The following CHD7 variants were observed in gnomAD, a reference collection of about 807,000 sequenced individuals.
CHD7 encodes the protein chromodomain helicase DNA binding protein 7.
CHD7 carries 24 observed loss-of-function variants against 307.3 expected under a neutral mutation model. The ratio of observed to expected loss-of-function variants is 0.08; its 90% confidence interval spans 0.06 to 0.11. CHD7 has a LOEUF of 0.11. Ranked by LOEUF, CHD7 falls within the 10% of genes least tolerant of loss-of-function variation. The probability of loss-of-function intolerance (pLI) is 1.00; values close to 1 mark genes in which losing one functional copy is unlikely to be tolerated. For synonymous variants in CHD7, 1,363 were observed against 1,349.9 expected, an observed-to-expected ratio of 1.01 and a Z score of -0.21; for missense variants, 3,106 against 3,727.1, an observed-to-expected ratio of 0.83 and a Z score of 4.34.
intron 23 of CHD7, among the ~76,000 whole-genome samples, chr8:60,847,519 T>C (rs991318775): frequency 1.3e-5 from 2 of 152,236 alleles, no homozygotes; most frequent in African/African-American, 2.4e-5. Context: ...TAAAGTGCTG[T>C]ACAAGTACAT....
At chr8:60,718,479 GA>G (rs796436410) in intron 1 of CHD7, among the ~76,000 whole-genome samples, 48 of 108,956 alleles carry the variant, frequency 4.4e-4, no homozygotes, top group African/African-American at 7.2e-4. Flanking sequence ...CATCTCAAAA[GA>G]AAAAAAAAAA....
intron 1 of CHD7, among the ~76,000 whole-genome samples, chr8:60,733,024 T>C (rs757654974): frequency 1.2e-4 from 18 of 151,930 alleles, no homozygotes; most frequent in Non-Finnish European, 1.9e-4. Flanking sequence ...TCCCTGAGCC[T>C]AGGAGTTCAA....
At chr8:60,716,831 A>G (rs1807627502) in intron 1 of CHD7, among the ~76,000 whole-genome samples, 1 of 152,208 alleles carries the variant, frequency 6.6e-6, no homozygotes, top group African/African-American at 2.4e-5. Context: ...ATTATATGGG[A>G]GCTAATCATT....
intron 7 of CHD7, among the ~76,000 whole-genome samples, chr8:60,815,926 A>T (rs973099200): frequency 3.3e-5 from 5 of 152,156 alleles, no homozygotes; most frequent in Admixed American, 6.5e-5. Context: ...TGCTATTTTA[A>T]ATTTGAATTA....
At chr8:60,855,656 CT>C (rs1805666720) in intron 32 of CHD7, among the ~76,000 whole-genome samples, 1 of 152,172 alleles carries the variant, frequency 6.6e-6, no homozygotes, top group Admixed American at 6.5e-5. Context: ...ACAAGAGTTA[CT>C]TTTTAAATAT....
At chr8:60,756,372 T>A (rs1300021546) in intron 2 of CHD7, among the ~76,000 whole-genome samples, 1 of 152,232 alleles carries the variant, frequency 6.6e-6, no homozygotes, top group Non-Finnish European at 1.5e-5. Context: ...CATGATTTTT[T>A]GGAATAAATT....
At chr8:60,788,817 G>A (rs979009708) in intron 3 of CHD7, among the ~76,000 whole-genome samples, 7 of 152,216 alleles carry the variant, frequency 4.6e-5, no homozygotes, top group African/African-American at 1.7e-4. Context: ...CTGCCATTCA[G>A]AGTTTGATTT....
chr8:60,830,655 A>G, intron 15 of CHD7, 78 bp downstream of exon 15: 1 of 1,507,412 alleles, frequency 6.6e-7, no homozygotes, highest in Non-Finnish European at 9.0e-7. Context: ...CAGACTGGGG[A>G]TTTCATGGTG....
chr8:60,739,810 C>G (rs142557022), intron 1 of CHD7, among the ~76,000 whole-genome samples: 6 of 152,246 alleles, frequency 3.9e-5, no homozygotes, highest in African/African-American at 1.4e-4. Flanking sequence ...TGTTGGTTAG[C>G]CCATTGTTCA....
In CHD7 at chr8:60,842,069, A is replaced by G; in HGVS notation, c.4850+17A>G. The G allele has an allele frequency of 6.3e-7, 1 of 1,579,752 alleles. No homozygotes were observed. Among genetic ancestry groups the G allele is most frequent in the Non-Finnish European group, 8.6e-7 (1 of 1,158,338 alleles). Reference sequence around the variant, plus strand: ...TGTCTATGGGTAAGTAGGACTCACTACGTAAGATAGAATTTTATTGTAACA... The same window carrying G: ...TGTCTATGGGTAAGTAGGACTCACTGCGTAAGATAGAATTTTATTGTAACA... On this transcript the variant is annotated intron_variant, in intron 21 of 37. Transcript: ENST00000423902.
Position 60,742,896 on chromosome 8 carries a change from A to G in CHD7, c.1464A>G (p.Pro488=), listed in dbSNP as rs1339567471. 1.2e-6 allele frequency: 2 copies of G among 1,612,464 alleles called. No individual in the cohort carries two copies. Among genetic ancestry groups the G allele is most frequent in the Non-Finnish European group, 1.7e-6 (2 of 1,179,112 alleles). Residue 488 remains proline (P), a synonymous_variant, in exon 2 of 38, where the codon CCA becomes CCG. Coordinates refer to ENST00000423902, the MANE Select transcript of CHD7 (RefSeq NM_017780.4). ...NGCPGVGLGD[P]QAIQERLIPG... is the part of the protein sequence containing the mutation. ...GTCCTGGTGTTGGCCTTGGAGACCC[A>G]CAAGCAATCCAGGAACGACTGATAC...
At chr8:60,771,671 GGGGAGTC>G (rs143952787) in intron 2 of CHD7, among the ~76,000 whole-genome samples, 118,231 of 151,984 alleles carry the variant, frequency 0.78, 46,279 homozygotes, top group East Asian at 0.94. Flanking sequence ...CATCTTGACT[GGGGAGTC>G]TTGACTGGGG....
intron 1 of CHD7, among the ~76,000 whole-genome samples, chr8:60,709,809 A>C (rs908917531): frequency 3.9e-5 from 6 of 152,200 alleles, no homozygotes; most frequent in African/African-American, 1.2e-4. Flanking sequence ...TCAAAACCCA[A>C]TTTAATCTTC....
At chr8:60,842,916 C>T (rs567894619) in intron 21 of CHD7, among the ~76,000 whole-genome samples, 3 of 152,164 alleles carry the variant, frequency 2.0e-5, no homozygotes, top group Non-Finnish European at 4.4e-5. Context: ...GCGCCACGCT[C>T]CATCTCATCT....
At chr8:60,821,766 C>A (rs1353881736) in intron 9 of CHD7, 24 bp from the exon 10 acceptor site, 2 of 1,547,626 alleles carry the variant, frequency 1.3e-6, no homozygotes, top group Non-Finnish European at 1.7e-6. Context: ...GAATCCAATT[C>A]TGATTTATTT....
chr8:60,847,015 G>A (rs571688603), intron 23 of CHD7, among the ~76,000 whole-genome samples: 6 of 152,202 alleles, frequency 3.9e-5, no homozygotes, highest in Non-Finnish European at 7.4e-5. Flanking sequence ...CCTAAAATCC[G>A]ACCCCACTTA....
chr8:60,724,752 A>G (rs1460625199), intron 1 of CHD7, among the ~76,000 whole-genome samples: 2 of 152,258 alleles, frequency 1.3e-5, no homozygotes, highest in Admixed American at 6.5e-5. Flanking sequence ...TTGGACATCA[A>G]TAATCTTTGA....
intron 1 of CHD7, among the ~76,000 whole-genome samples, chr8:60,726,785 G>T (rs916207914): frequency 6.6e-6 from 1 of 152,054 alleles, no homozygotes; most frequent in South Asian, 2.1e-4. Context: ...TGCATAACTC[G>T]TTGAGCCAGT....
At chr8:60,793,975 A>C (rs1811894018) in intron 3 of CHD7, among the ~76,000 whole-genome samples, 1 of 152,160 alleles carries the variant, frequency 6.6e-6, no homozygotes, top group Admixed American at 6.5e-5. Context: ...ATACAAAATT[A>C]GCTGGGCATG....
Sources: allele counts gnomAD v4.1 joint callset (sites outside exome capture counted in the v4.1 genomes callset), GRCh38; gene constraint gnomAD v4.1.1; transcripts MANE v1.5; gene names NCBI Gene and HGNC (gene_info 2026-07-23, HGNC 2026-07-21).